Variants in POU6F2 observed in about 807,000 individuals in gnomAD.
The protein encoded by POU6F2 is POU class 6 homeobox 2, also known as POU domain, class 6, transcription factor 2.
In POU6F2, 31 loss-of-function variants were observed where a neutral mutation model predicts 71.3. That is an observed-to-expected ratio of 0.43 (90% CI 0.33 to 0.59). The LOEUF (loss-of-function observed/expected upper bound fraction) is 0.59. Ranked by LOEUF, POU6F2 falls within the 20% of genes least tolerant of loss-of-function variation. POU6F2 has a pLI of 0.04. For synonymous variants in POU6F2, 347 were observed against 355.7 expected, an observed-to-expected ratio of 0.98 and a Z score of 0.27; for missense variants, 783 against 856.8, an observed-to-expected ratio of 0.91 and a Z score of 1.07.
chr7:39,419,201 C>T (rs1787793203), intron 6 of POU6F2, among the ~76,000 whole-genome samples: 1 of 142,722 alleles, frequency 7.0e-6, no homozygotes, highest in Non-Finnish European at 1.5e-5. Flanking sequence ...ATTTTTTAAC[C>T]CACTCAGGGT....
At chr7:39,429,366 G>T (rs186216322) in intron 6 of POU6F2, among the ~76,000 whole-genome samples, 10 of 152,278 alleles carry the variant, frequency 6.6e-5, no homozygotes, top group African/African-American at 2.4e-4. Flanking sequence ...CCTCGGAAGT[G>T]ACTCATTCAT....
chr7:39,261,996 T>G (rs1020427950), intron 4 of POU6F2, among the ~76,000 whole-genome samples: 46 of 152,278 alleles, frequency 3.0e-4, no homozygotes, highest in African/African-American at 1.0e-3. Flanking sequence ...CTGAGTTGGC[T>G]GCTGCGGGAA....
chr7:39,445,676 A>G (rs192684444), intron 7 of POU6F2, among the ~76,000 whole-genome samples: 54 of 152,300 alleles, frequency 3.5e-4, no homozygotes, highest in Middle Eastern at 3.4e-3. Context: ...AGGTCCTCCA[A>G]ATGTTTGAAG....
chr7:39,006,897 C>T, intron 1 of POU6F2: 1 of 1,606,150 alleles, frequency 6.2e-7, no homozygotes. Flanking sequence ...GAATGCCTAC[C>T]AATAGGAAAT....
intron 2 of POU6F2, among the ~76,000 whole-genome samples, chr7:39,137,937 G>A (rs1306198465): frequency 6.6e-6 from 1 of 152,282 alleles, no homozygotes; most frequent in East Asian, 1.9e-4. Context: ...CTGTGAAGAG[G>A]CCTACACCTA....
intron 1 of POU6F2, among the ~76,000 whole-genome samples, chr7:39,075,668 G>A (rs1239219986): frequency 3.9e-5 from 6 of 152,198 alleles, no homozygotes; most frequent in Admixed American, 2.0e-4. Flanking sequence ...GGGAGGCTGG[G>A]ACCACAGTTA....
At chr7:39,114,355 G>A (rs1201016978) in intron 2 of POU6F2, among the ~76,000 whole-genome samples, 1 of 152,098 alleles carries the variant, frequency 6.6e-6, no homozygotes, top group Non-Finnish European at 1.5e-5. Flanking sequence ...GTATTTGACT[G>A]TGGGAATTTA....
At chr7:39,287,981 A>G (rs1049539404) in intron 4 of POU6F2, among the ~76,000 whole-genome samples, 9 of 152,148 alleles carry the variant, frequency 5.9e-5, no homozygotes, top group African/African-American at 2.2e-4. Flanking sequence ...GAGATTGCTG[A>G]CTGGGAAATT....
intron 7 of POU6F2, among the ~76,000 whole-genome samples, chr7:39,441,215 T>C (rs1788396210): frequency 6.6e-6 from 1 of 151,668 alleles, no homozygotes; most frequent in Non-Finnish European, 1.5e-5. Context: ...TAAAAGGTAT[T>C]TTTAAAGCTT....
At chr7:39,240,647 A>T (rs1783708643) in intron 4 of POU6F2, among the ~76,000 whole-genome samples, 2 of 152,174 alleles carry the variant, frequency 1.3e-5, no homozygotes, top group African/African-American at 4.8e-5. Context: ...TGGCATCCCC[A>T]GTATCTAAAA....
At chr7:39,338,566 AC>A (rs983388467) in intron 4 of POU6F2, among the ~76,000 whole-genome samples, 4 of 152,160 alleles carry the variant, frequency 2.6e-5, no homozygotes, top group African/African-American at 9.6e-5. Flanking sequence ...GGTATTTGAT[AC>A]CCCTGGAAAT....
chr7:39,161,452 C>A (rs1000047829), intron 2 of POU6F2, among the ~76,000 whole-genome samples: 1 of 152,174 alleles, frequency 6.6e-6, no homozygotes, highest in African/African-American at 2.4e-5. Context: ...AGTTTTCAAT[C>A]TTCCAAAGAC....
intron 4 of POU6F2, among the ~76,000 whole-genome samples, chr7:39,276,300 T>A (rs1230066554): frequency 6.6e-6 from 1 of 152,084 alleles, no homozygotes; most frequent in Non-Finnish European, 1.5e-5. Context: ...CACATGAAAA[T>A]ATGCTCACCA....
In POU6F2 at chr7:39,464,753, A is replaced by G. The variant is rs1354571455; in HGVS notation, c.*67A>G. The G allele has an allele frequency of 2.8e-6, 4 of 1,433,908 alleles. No individual in the cohort carries two copies. Among genetic ancestry groups the G allele is most frequent in the Non-Finnish European group, 3.7e-6 (4 of 1,082,592 alleles). The allele number at this position is 1,433,908 out of a possible 1,614,324, so 88.8% of individuals were successfully genotyped here. On this transcript the variant is annotated 3_prime_UTR_variant, in exon 10 of 10. Coordinates refer to ENST00000518318, the MANE Select transcript of POU6F2 (RefSeq NM_001370959.1). This position sits in a 1 kb window ranked among gnomAD's most constrained non-coding sequence, Gnocchi z 4.1. ...TAAACTCCACCCTTGGGACTCCACA[A>G]CAACAACAACAACAAAATTTAATTT...
At chr7:39,054,878 G>A (rs548017181) in intron 1 of POU6F2, among the ~76,000 whole-genome samples, 5 of 151,830 alleles carry the variant, frequency 3.3e-5, no homozygotes, top group Admixed American at 1.3e-4. Flanking sequence ...GAAAAAAGCT[G>A]CAGAAGTTGA....
At chr7:39,084,004 G>T (rs906612027) in intron 1 of POU6F2, among the ~76,000 whole-genome samples, 3 of 152,094 alleles carry the variant, frequency 2.0e-5, no homozygotes, top group African/African-American at 7.2e-5. Flanking sequence ...ACTTGTTTAG[G>T]ATTGTCAGGA....
chr7:39,010,996 T>G (rs1789264691), intron 1 of POU6F2, among the ~76,000 whole-genome samples: 1 of 144,184 alleles, frequency 6.9e-6, no homozygotes, highest in Non-Finnish European at 1.5e-5. Context: ...AAAATGTATA[T>G]TCTGTTGATT....
At chr7:39,224,486 C>G (rs927271668) in intron 4 of POU6F2, among the ~76,000 whole-genome samples, 2 of 152,040 alleles carry the variant, frequency 1.3e-5, no homozygotes, top group Admixed American at 1.3e-4. Flanking sequence ...TTCTCCAAGT[C>G]TTTGGAAATG....
chr7:39,256,005 A>G lies in POU6F2; in HGVS notation c.598+48385A>G, dbSNP rs139160885. Reference sequence around the variant, plus strand: ...CCTAGTAGTAAAGAATAGGGTCTCAATGTACATTTACCAATGGATTGATGG... The same window carrying G: ...CCTAGTAGTAAAGAATAGGGTCTCAGTGTACATTTACCAATGGATTGATGG... On this transcript the variant is annotated intron_variant, in intron 4 of 9. Coordinates refer to ENST00000518318, the MANE Select transcript of POU6F2 (RefSeq NM_001370959.1). Among the ~76,000 whole-genome samples the G allele has an allele frequency of 2.5e-4, 38 of 152,296 alleles. No homozygotes were observed. In the East Asian group the frequency reaches 3.1e-3, roughly 12 times the overall value.
Sources: allele counts gnomAD v4.1 joint callset (sites outside exome capture counted in the v4.1 genomes callset), GRCh38; gene constraint gnomAD v4.1.1; non-coding constraint Gnocchi (gnomAD v3.1); transcripts MANE v1.5; gene names NCBI Gene and HGNC (gene_info 2026-07-23, HGNC 2026-07-21).